The following PCDH15 variants were observed in gnomAD, a reference collection of about 807,000 sequenced individuals.
PCDH15 encodes protocadherin related 15.
In PCDH15, 129 loss-of-function variants were observed where a neutral mutation model predicts 178.5. The observed-to-expected ratio is 0.72, with a 90% CI of 0.63 to 0.84. The LOEUF is 0.84. Among genes scored for constraint, PCDH15 ranks in the 40% least tolerant of loss-of-function variants. The pLI is 0.00. For synonymous variants in PCDH15, 800 were observed against 732.0 expected (o/e 1.09, Z -1.50); for missense variants, 2,230 against 2,099.9 (o/e 1.06, Z -1.21).
At chr10:54,407,078 TC>T (rs1298723859) in intron 3 of PCDH15, among the ~76,000 whole-genome samples, 2 of 152,114 alleles carry the variant, frequency 1.3e-5, no homozygotes, top group African/African-American at 4.8e-5. Flanking sequence ...GAAAGAAACT[TC>T]CTGAAGGAAT....
intron 2 of PCDH15, among the ~76,000 whole-genome samples, chr10:55,116,240 C>CA (rs568218036): frequency 6.6e-6 from 1 of 151,994 alleles, no homozygotes; most frequent in Non-Finnish European, 1.5e-5. Context: ...TTTGATTTAA[C>CA]AAAAAATCTT....
Position 55,406,299 on chromosome 10 carries a change from G to C in PCDH15, c.-156+221326C>G, listed in dbSNP as rs995053371. ...AAAGTGAACACCCACTTGTATAAAA[G>C]GTTATTCTGCCTGGTGTGTTGAGTA... On this transcript the variant is annotated intron_variant, in intron 2 of 5. Transcript: ENST00000613346. 5.3e-5 allele frequency among the ~76,000 whole-genome samples: 8 copies of C among 152,172 alleles called. No homozygotes were observed. The South Asian group carries it at 1.5e-3, about 28-fold the overall frequency.
chr10:54,969,465 TTC>T (rs1838878840), intron 2 of PCDH15, among the ~76,000 whole-genome samples: 2 of 152,178 alleles, frequency 1.3e-5, no homozygotes, highest in African/African-American at 2.4e-5. Context: ...TTGAGATGAT[TTC>T]TCTGTTCTTT....
chr10:54,479,005 G>GAAAA (rs557476375), intron 3 of PCDH15, among the ~76,000 whole-genome samples: 6 of 96,048 alleles, frequency 6.2e-5, no homozygotes, highest in Non-Finnish European at 6.8e-5. Context: ...CTAGGGAAAA[G>GAAAA]AAAAAAAAAA....
rs149323045 is a variant in PCDH15 at position 55,542,258 on chromosome 10, T to C, written c.-156+85367A>G. On this transcript the variant is annotated intron_variant, in intron 2 of 5. Transcript: ENST00000613346. The stretch of plus-strand genomic sequence containing the variant: ...GTATATGCCTGTATGTGTACATGTA[T>C]GTACAGTATGTCTATATTATGTATA... Among the ~76,000 whole-genome samples the C allele has an allele frequency of 1.3e-4, 20 of 151,402 alleles. No individual in the cohort carries two copies. The East Asian group carries it at 3.7e-3, about 28-fold the overall frequency.
chr10:55,288,184 A>G (rs1213764964), intron 1 of PCDH15, among the ~76,000 whole-genome samples: 1 of 150,900 alleles, frequency 6.6e-6, no homozygotes, highest in Non-Finnish European at 1.5e-5. Flanking sequence ...CCAGGTATAG[A>G]GTAACGGCAC....
chr10:54,119,286 G>A (rs1042948566), intron 15 of PCDH15, among the ~76,000 whole-genome samples: 11 of 151,772 alleles, frequency 7.2e-5, no homozygotes, highest in African/African-American at 1.5e-4. Flanking sequence ...AAAGATAAAC[G>A]TCTTAAAAAG....
chr10:55,011,306 A>C (rs1441206610), intron 2 of PCDH15, among the ~76,000 whole-genome samples: 1 of 152,146 alleles, frequency 6.6e-6, no homozygotes, highest in Admixed American at 6.6e-5. Flanking sequence ...CCAAACTATC[A>C]GTGCTTCTAT....
chr10:55,616,666 T>C (rs1053664590), intron 2 of PCDH15, among the ~76,000 whole-genome samples: 1 of 152,156 alleles, frequency 6.6e-6, no homozygotes, highest in African/African-American at 2.4e-5. Flanking sequence ...ACCTGTGATA[T>C]GTGGCAGTGA....
chr10:53,906,754 C>T (rs920367944), intron 25 of PCDH15: 1 of 151,538 alleles, frequency 6.6e-6, no homozygotes, highest in African/African-American at 2.4e-5. Context: ...GATGAAATAA[C>T]AGCAAACTCT....
chr10:54,966,077 C>G (rs1196427677), intron 2 of PCDH15, among the ~76,000 whole-genome samples: 1 of 151,778 alleles, frequency 6.6e-6, no homozygotes, highest in Non-Finnish European at 1.5e-5. Flanking sequence ...AATCACTAAT[C>G]ATACAGAATA....
intron 10 of PCDH15, among the ~76,000 whole-genome samples, chr10:54,202,999 C>G (rs2050411078): frequency 6.6e-6 from 1 of 152,026 alleles, no homozygotes; most frequent in Admixed American, 6.6e-5. Flanking sequence ...TTTAGAGAAT[C>G]TTTCTTTTTA....
chr10:53,923,045 C>T (rs2084141787), intron 25 of PCDH15, among the ~76,000 whole-genome samples: 1 of 152,086 alleles, frequency 6.6e-6, no homozygotes, highest in Admixed American at 6.5e-5. Flanking sequence ...CAAGATCGTG[C>T]CACTGCACTC....
intron 8 of PCDH15, among the ~76,000 whole-genome samples, chr10:54,243,174 T>C (rs2055580054): frequency 6.6e-6 from 1 of 152,194 alleles, no homozygotes; most frequent in Admixed American, 6.5e-5. Flanking sequence ...TCTATTAAAG[T>C]CATTAATATT....
At chr10:54,949,477 C>G (rs1294032598) in intron 2 of PCDH15, among the ~76,000 whole-genome samples, 1 of 151,880 alleles carries the variant, frequency 6.6e-6, no homozygotes, top group East Asian at 1.9e-4. Context: ...TGTGAAGACC[C>G]CTGACATGCC....
intron 2 of PCDH15, among the ~76,000 whole-genome samples, chr10:55,383,914 C>A (rs1420205796): frequency 6.6e-6 from 1 of 151,994 alleles, no homozygotes; most frequent in Non-Finnish European, 1.5e-5. Context: ...TACAAAAGCA[C>A]ATTCAAAATT....
intron 23 of PCDH15, among the ~76,000 whole-genome samples, chr10:53,945,589 C>T (rs992924959): frequency 2.0e-5 from 3 of 151,836 alleles, no homozygotes; most frequent in African/African-American, 7.3e-5. Context: ...CCCATGTAAC[C>T]ATTTTTTTAC....
At chr10:54,965,709 C>T (rs1415259550) in intron 2 of PCDH15, among the ~76,000 whole-genome samples, 1 of 149,854 alleles carries the variant, frequency 6.7e-6, no homozygotes, top group Non-Finnish European at 1.5e-5. Flanking sequence ...AAGAAAACCA[C>T]ATTTAATTTG....
chr10:55,615,706 AAAAAAT>A (rs1353424946), intron 2 of PCDH15, among the ~76,000 whole-genome samples: 2 of 152,090 alleles, frequency 1.3e-5, no homozygotes, highest in Non-Finnish European at 2.9e-5. Context: ...TGCTTCTACC[AAAAAAT>A]AAAAATAAAA....
Sources: allele counts gnomAD v4.1 joint callset (sites outside exome capture counted in the v4.1 genomes callset), GRCh38; gene constraint gnomAD v4.1.1; transcripts MANE v1.5; gene names NCBI Gene and HGNC (gene_info 2026-07-23, HGNC 2026-07-21).